Variants in XRCC1 observed in about 807,000 individuals in gnomAD.
XRCC1 encodes X-ray repair cross complementing 1, also known as DNA repair protein XRCC1.
XRCC1 carries 52 observed loss-of-function variants against 83.3 expected under a neutral mutation model. The observed-to-expected ratio is 0.62, with a 90% confidence interval of 0.50 to 0.79. The LOEUF (loss-of-function observed/expected upper bound fraction) is 0.79. Ranked by LOEUF, XRCC1 falls within the 30% of genes least tolerant of loss-of-function variation. The pLI is 0.00. For synonymous variants in XRCC1, 281 were observed against 312.6 expected (o/e 0.90, Z 1.07); for missense variants, 793 against 823.5 (o/e 0.96, Z 0.45).
rs892875729 is a variant in XRCC1 at position 43,568,226 on chromosome 19, G to C, written c.144+6684C>G. ...AAGAATAAGGTAGGCTGCGCACGGCGTGGCTGACGCCTGTAATCCCAACAC... is the reference window on the plus strand; with the variant it reads ...AAGAATAAGGTAGGCTGCGCACGGCCTGGCTGACGCCTGTAATCCCAACAC... On this transcript the variant is annotated intron_variant, in intron 2 of 16. Transcript: ENST00000262887. Among the ~76,000 whole-genome samples the C allele has an allele frequency of 5.3e-5, 8 of 152,080 alleles. 1 individual carries two copies. The Middle Eastern group carries it at 0.024, about 453-fold the overall frequency.
chr19:43,547,432 C>T (rs76384439), intron 10 of XRCC1, among the ~76,000 whole-genome samples: 11,140 of 151,620 alleles, frequency 0.073, 620 homozygotes, highest in East Asian at 0.29. Context: ...GCTCTGCCCC[C>T]GTCAGCCTCT....
chr19:43,556,919 C>T (rs909541646), intron 3 of XRCC1, among the ~76,000 whole-genome samples: 8 of 151,878 alleles, frequency 5.3e-5, no homozygotes, highest in African/African-American at 1.5e-4. Flanking sequence ...GCACAAGAAT[C>T]GCTTGAACCC....
intron 10 of XRCC1, among the ~76,000 whole-genome samples, chr19:43,548,666 G>A (rs1371584223): frequency 1.3e-5 from 2 of 150,242 alleles, no homozygotes; most frequent in Non-Finnish European, 1.5e-5. Context: ...GCCTAGGAAA[G>A]CCAGAGACCT....
intron 15 of XRCC1, 99 bp from the exon 16 acceptor site, chr19:43,543,786 C>A: frequency 8.9e-7 from 1 of 1,124,794 alleles, no homozygotes; most frequent in East Asian, 2.4e-5. Context: ...ACACTGTCCC[C>A]ACCTATGCGC....
chr19:43,564,845 G>A (rs1245940350), intron 2 of XRCC1, among the ~76,000 whole-genome samples: 1 of 151,966 alleles, frequency 6.6e-6, no homozygotes, highest in Non-Finnish European at 1.5e-5. Context: ...GAGGTCAAAA[G>A]TCTGAAACTC....
chr19:43,551,870 A>C, intron 9 of XRCC1, 147 bp downstream of exon 9: 1 of 1,089,908 alleles, frequency 9.2e-7, no homozygotes. Context: ...AGAGAAGACA[A>C]AGGCTACAGA....
intron 4 of XRCC1, among the ~76,000 whole-genome samples, chr19:43,554,323 C>T (rs1346854681): frequency 6.6e-6 from 1 of 152,168 alleles, no homozygotes; most frequent in Non-Finnish European, 1.5e-5. Flanking sequence ...AGGACGTGAA[C>T]TCAGTAATCA....
At chr19:43,562,405 G>A (rs1972709341) in intron 2 of XRCC1, among the ~76,000 whole-genome samples, 1 of 151,828 alleles carries the variant, frequency 6.6e-6, no homozygotes, top group Admixed American at 6.6e-5. Context: ...ACGTCTCTGT[G>A]AGGCAGTTTC....
At chr19:43,548,176 C>T (rs757623719) in intron 10 of XRCC1, among the ~76,000 whole-genome samples, 1 of 150,406 alleles carries the variant, frequency 6.6e-6, no homozygotes, top group Non-Finnish European at 1.5e-5. Context: ...TCCGCCCGGC[C>T]GCCGCCCCGT....
intron 13 of XRCC1, 30 bp downstream of exon 13, chr19:43,546,022 G>C (rs756235385): frequency 2.5e-5 from 40 of 1,613,656 alleles, no homozygotes; most frequent in Non-Finnish European, 3.2e-5. Context: ...CCAAGGCCAG[G>C]GACACCCCAA....
In XRCC1 at chr19:43,552,803, G is replaced by A; in HGVS notation, c.817C>T (p.Pro273Ser). 1 of 1,605,820 alleles carries A rather than the reference G, an allele frequency of 6.2e-7. No individual in the cohort carries two copies. The highest frequency in any genetic ancestry group is 8.5e-7 in the Non-Finnish European group (1 of 1,176,976). Residue 273 changes from proline (P) to serine (S), a missense_variant, in exon 8 of 17, where the codon CCT becomes TCT. Coordinates refer to ENST00000262887, the MANE Select transcript of XRCC1 (RefSeq NM_006297.3). The part of the protein sequence containing the change: ...AQLSPSVPKR[P>S]KLPAPTRTPA... ...AGGGATCTAGTTAGCTCACATTTAG[G>A]TCTCTTGGGAACAGATGGCGACAGC...
chr19:43,569,970 G>C (rs1972792172), intron 2 of XRCC1, among the ~76,000 whole-genome samples: 1 of 152,184 alleles, frequency 6.6e-6, no homozygotes, highest in Non-Finnish European at 1.5e-5. Context: ...CCTTGCAGGG[G>C]TACTGACAGA....
intron 3 of XRCC1, among the ~76,000 whole-genome samples, chr19:43,556,411 C>A (rs1972636128): frequency 6.6e-6 from 1 of 152,130 alleles, no homozygotes; most frequent in Non-Finnish European, 1.5e-5. Context: ...TGGGGGGACA[C>A]CAAAGAAGAG....
Position 43,545,881 on chromosome 19 carries a change from C to T in XRCC1, c.1558G>A (p.Asp520Asn). 2 of 1,613,994 alleles carry T rather than the reference C, an allele frequency of 1.2e-6. No individual in the cohort carries two copies. Among genetic ancestry groups the T allele is most frequent in the East Asian group, 4.5e-5 (2 of 44,884 alleles). ...TGTTCCTCACTGTCCGTGTTCTCAT[C>T]CGTGGAGCCTGCATACGGGTCTTCC... ...NGEDPYAGST[D>N]ENTDSEEHQE... The change falls in exon 14 of 17, where the codon GAT becomes AAT. Residue 520 changes from aspartate to asparagine, a missense_variant. Transcript: ENST00000262887.
chr19:43,546,995 C>G lies in XRCC1; in HGVS notation c.1200-18G>C. On this transcript the variant is annotated intron_variant, in intron 10 of 16. Transcript: ENST00000262887. ...TGAGGTACCTAGGGGACAAATCGGG[C>G]CTCAGACAAACAGGCCCAAGGGAAG... 1 of 1,612,250 alleles carries G rather than the reference C, an allele frequency of 6.2e-7. No homozygotes were observed. The highest frequency in any genetic ancestry group is 8.5e-7 in the Non-Finnish European group (1 of 1,179,114).
At chr19:43,555,473 G>A (rs1167929874) in intron 3 of XRCC1, 1 of 152,250 alleles carries the variant, frequency 6.6e-6, no homozygotes, top group Non-Finnish European at 1.5e-5. Flanking sequence ...TGCTGCTGCA[G>A]TGGTTCCTGC....
chr19:43,550,770 G>A (rs1381211540), intron 10 of XRCC1, among the ~76,000 whole-genome samples: 1 of 152,164 alleles, frequency 6.6e-6, no homozygotes. Context: ...CATGTTCTCT[G>A]CCTCTGTTCA....
At chr19:43,544,649 G>C (rs10413558) in intron 14 of XRCC1, among the ~76,000 whole-genome samples, 2,978 of 152,112 alleles carry the variant, frequency 0.02, 89 homozygotes, top group African/African-American at 0.066. Flanking sequence ...TGGGACTACA[G>C]GTGCATGCCA....
At chr19:43,545,386 G>A (rs1188378513) in intron 14 of XRCC1, among the ~76,000 whole-genome samples, 1 of 152,212 alleles carries the variant, frequency 6.6e-6, no homozygotes, top group Non-Finnish European at 1.5e-5. Context: ...CCAGAGTGAT[G>A]GCTGATGTTA....
Sources: allele counts gnomAD v4.1 joint callset (sites outside exome capture counted in the v4.1 genomes callset), GRCh38; gene constraint gnomAD v4.1.1; transcripts MANE v1.5; gene names NCBI Gene and HGNC (gene_info 2026-07-23, HGNC 2026-07-21).